The following RFTN1 variants were observed in gnomAD, a reference collection of about 807,000 sequenced individuals.
RFTN1 encodes the protein raftlin.
A neutral mutation model predicts 46.5 loss-of-function variants in RFTN1; 26 were observed. The ratio of observed to expected loss-of-function variants is 0.56; its 90% CI spans 0.41 to 0.78. The LOEUF is 0.78. Ranked by LOEUF, RFTN1 falls within the 30% of genes least tolerant of loss-of-function variation. The pLI is 0.00. For synonymous variants in RFTN1, 261 were observed against 284.2 expected (o/e 0.92, Z 0.82); for missense variants, 693 against 718.7 (o/e 0.96, Z 0.41).
intron 4 of RFTN1, among the ~76,000 whole-genome samples, chr3:16,395,816 T>C (rs1264516261): frequency 6.6e-6 from 1 of 152,244 alleles, no homozygotes; most frequent in African/African-American, 2.4e-5. Flanking sequence ...TGAGATGTGA[T>C]TTAAGTGACA....
chr3:16,318,454 T>C (rs493626), intron 9 of RFTN1, among the ~76,000 whole-genome samples: 88,313 of 152,028 alleles, frequency 0.58, 25,830 homozygotes, highest in African/African-American at 0.66. Flanking sequence ...AAGGCTTTAG[T>C]ATGTTGTAAA....
intron 3 of RFTN1, among the ~76,000 whole-genome samples, chr3:16,417,016 T>C (rs1402870097): frequency 2.0e-5 from 3 of 150,208 alleles, no homozygotes; most frequent in Non-Finnish European, 3.0e-5. Context: ...TTTCTTTTTT[T>C]TTTTTTTTTT....
chr3:16,429,144 A>ATC lies in RFTN1; in HGVS notation c.332+4706_332+4707insGA. 6.7e-6 allele frequency among the ~76,000 whole-genome samples: 1 copy of ATC among 149,456 alleles called. No homozygotes were observed. The highest frequency in any genetic ancestry group is 6.8e-5 in the Admixed American group (1 of 14,770). On this transcript the variant is annotated intron_variant, in intron 3 of 9. Coordinates refer to ENST00000334133, the MANE Select transcript of RFTN1 (RefSeq NM_015150.2). The surrounding 1 kb of genome is among the most constrained non-coding windows in gnomAD (Gnocchi z 6.4). ...AGAATTAAGAACAGTTTACAGTTAG[A>ATC]TGTGTGGCTAGGCCTGCCATGGTAA...
chr3:16,450,088 T>G lies in RFTN1; in HGVS notation c.146-16051A>C, dbSNP rs191770608. 6.6e-6 allele frequency among the ~76,000 whole-genome samples: 1 copy of G among 152,322 alleles called. No individual in the cohort carries two copies. The highest frequency in any genetic ancestry group is 1.9e-4 in the East Asian group (1 of 5,192). On this transcript the variant is annotated intron_variant, in intron 2 of 9. Coordinates refer to ENST00000334133, the MANE Select transcript of RFTN1 (RefSeq NM_015150.2). This position sits in a 1 kb window ranked among gnomAD's most constrained non-coding sequence, Gnocchi z 4.6. ...ATCCTGACCACTCTCCATGCCTGTC[T>G]TAAATCCATCCCAATTTGTAAAATT...
At chr3:16,350,344 A>G (rs2072009771) in intron 7 of RFTN1, 1 of 151,976 alleles carries the variant, frequency 6.6e-6, no homozygotes, top group Non-Finnish European at 1.5e-5. Flanking sequence ...GAACACATGC[A>G]TTTGTTTCTT....
chr3:16,506,928 G>A lies in RFTN1; in HGVS notation c.-9+6514C>T, dbSNP rs567916607. ...GGTACAGGATGGTAAAGGGCATTTG[G>A]AATATTCCATCTGTGGCTCTCAAAT... On this transcript the variant is annotated intron_variant, in intron 1 of 9. Coordinates refer to ENST00000334133, the MANE Select transcript of RFTN1 (RefSeq NM_015150.2). This position sits in a 1 kb window ranked among gnomAD's most constrained non-coding sequence, Gnocchi z 4.8. Among the ~76,000 whole-genome samples the A allele has an allele frequency of 6.6e-6, 1 of 152,298 alleles. No individual in the cohort carries two copies. The highest frequency in any genetic ancestry group is 2.4e-5 in the African/African-American group (1 of 41,560).
chr3:16,358,105 G>A, intron 6 of RFTN1, 58 bp from the exon 7 acceptor site: 6 of 943,868 alleles, frequency 6.4e-6, no homozygotes, highest in Non-Finnish European at 1.0e-5. Context: ...TGTGGCAGAA[G>A]TCTTCTAAGC....
chr3:16,437,507 A>T (rs2075538516), intron 2 of RFTN1, among the ~76,000 whole-genome samples: 1 of 152,078 alleles, frequency 6.6e-6, no homozygotes, highest in Non-Finnish European at 1.5e-5. Context: ...AAAAAATACA[A>T]AAATTAACTG....
Position 16,391,753 on chromosome 3 carries a change from G to A in RFTN1, c.442-13651C>T, listed in dbSNP as rs564026936. Among the ~76,000 whole-genome samples the A allele has an allele frequency of 1.1e-4, 17 of 151,794 alleles. No individual in the cohort carries two copies. The East Asian group carries it at 3.3e-3, about 29-fold the overall frequency. On this transcript the variant is annotated intron_variant, in intron 4 of 9. Coordinates refer to ENST00000334133, the MANE Select transcript of RFTN1 (RefSeq NM_015150.2). Reference sequence around the variant, plus strand: ...CATAAACCTGAACTAATCAAATAAGGCTCTTTGATAATGAAGGGGAAGTCA... The same window carrying A: ...CATAAACCTGAACTAATCAAATAAGACTCTTTGATAATGAAGGGGAAGTCA...
In RFTN1 at chr3:16,359,266, T is replaced by C. The variant is rs148311551; in HGVS notation, c.1031-1219A>G. On this transcript the variant is annotated intron_variant, in intron 6 of 9. Coordinates refer to ENST00000334133, the MANE Select transcript of RFTN1 (RefSeq NM_015150.2). Reference sequence around the variant, plus strand: ...GGGCTAGGTCTCTCATCTATGGGATTATGGACAATCTCTCTTGGTTCCCAG... The same window carrying C: ...GGGCTAGGTCTCTCATCTATGGGATCATGGACAATCTCTCTTGGTTCCCAG... Among the ~76,000 whole-genome samples, 864 of 152,220 alleles carry C rather than the reference T, an allele frequency of 5.7e-3. 9 individuals are homozygous for C. The highest frequency in any genetic ancestry group is 0.019 in the African/African-American group (806 of 41,538).
In RFTN1 at chr3:16,440,621, G is replaced by A. The variant is rs2075602048; in HGVS notation, c.146-6584C>T. ...AAAATAAAGTAAACAAGAGACATGAGCCAGGGGGACAGCAATGAACACCGA... is the reference window on the plus strand; with the variant it reads ...AAAATAAAGTAAACAAGAGACATGAACCAGGGGGACAGCAATGAACACCGA... On this transcript the variant is annotated intron_variant, in intron 2 of 9. Transcript: ENST00000334133. This position sits in a 1 kb window ranked among gnomAD's most constrained non-coding sequence, Gnocchi z 4.6. 2.6e-5 allele frequency among the ~76,000 whole-genome samples: 4 copies of A among 151,894 alleles called. No individual in the cohort carries two copies. The highest frequency in any genetic ancestry group is 2.6e-4 in the Admixed American group (4 of 15,252).
intron 8 of RFTN1, 64 bp from the exon 9 acceptor site, chr3:16,323,521 G>C (rs988862905): frequency 8.6e-7 from 1 of 1,167,088 alleles, no homozygotes; most frequent in Non-Finnish European, 1.3e-6. Context: ...ACCTGACACA[G>C]ATGTTGCCAT....
rs2076582183 is a variant in RFTN1 at position 16,493,852 on chromosome 3, G to A, written c.18C>T (p.Asn6=). Residue 6 remains asparagine (N), a synonymous_variant, in exon 2 of 10, where the codon AAC becomes AAT. Coordinates refer to ENST00000334133, the MANE Select transcript of RFTN1 (RefSeq NM_015150.2). ...GTTTTTCATCACGTTTCTCTAACTT[G>A]TTCAATCCGCAACCCATTTCAGCAG... The part of the protein sequence containing the change: MGCGL[N]KLEKRDEKRP... 10 of 1,614,096 alleles carry A rather than the reference G, an allele frequency of 6.2e-6. No individual in the cohort carries two copies. The highest frequency in any genetic ancestry group is 8.5e-6 in the Non-Finnish European group (10 of 1,180,020).
chr3:16,337,720 G>A lies in RFTN1; in HGVS notation c.1147-10844C>T, dbSNP rs2001468. 0.017 allele frequency among the ~76,000 whole-genome samples: 2,432 copies of A among 140,808 alleles called. 74 individuals carry two copies. Among genetic ancestry groups the A allele is most frequent in the East Asian group, 0.12 (561 of 4,760 alleles). The allele number at this position is 140,808 out of a possible 152,430, so 92.4% of individuals were successfully genotyped here. A position where few individuals can be genotyped will look rare whatever the true frequency, so the allele number is the denominator to read the frequency against. The stretch of plus-strand genomic sequence containing the variant: ...TTGCGCCACTGCACTCCAGCCTGGC[G>A]ACAGAGCGAGACTCCATCTCAAAAA... On this transcript the variant is annotated intron_variant, in intron 7 of 9. Coordinates refer to ENST00000334133, the MANE Select transcript of RFTN1 (RefSeq NM_015150.2). This position sits in a 1 kb window ranked among gnomAD's most constrained non-coding sequence, Gnocchi z 5.0.
chr3:16,487,161 T>C (rs1350983799), intron 2 of RFTN1, among the ~76,000 whole-genome samples: 1 of 152,244 alleles, frequency 6.6e-6, no homozygotes, highest in Non-Finnish European at 1.5e-5. Context: ...TCTGTGGTAT[T>C]TTATTATGGC....
rs1002967891 is a variant in RFTN1, at chr3:16,337,338, G to A, written c.1147-10462C>T. ...TTATGATTTTAACTCACTAAGCTTT[G>A]GGGAGCTTTATTACACAGCAGAAGC... On this transcript the variant is annotated intron_variant, in intron 7 of 9. Transcript: ENST00000334133. This position sits in a 1 kb window ranked among gnomAD's most constrained non-coding sequence, Gnocchi z 5.0. 1 of 152,186 alleles carries A rather than the reference G, an allele frequency of 6.6e-6. No individual in the cohort carries two copies. Among genetic ancestry groups the A allele is most frequent in the Non-Finnish European group, 1.5e-5 (1 of 68,034 alleles). The allele number at this position is 152,186 out of a possible 1,614,324, so 9.4% of individuals were successfully genotyped here.
At chr3:16,502,157 A>C (rs1270343944) in intron 1 of RFTN1, among the ~76,000 whole-genome samples, 1 of 152,170 alleles carries the variant, frequency 6.6e-6, no homozygotes, top group East Asian at 1.9e-4. Context: ...ACTTGAGCCC[A>C]GGAGTTCAAG....
chr3:16,391,596 G>A (rs1282665853), intron 4 of RFTN1, among the ~76,000 whole-genome samples: 1 of 152,092 alleles, frequency 6.6e-6, no homozygotes, highest in Non-Finnish European at 1.5e-5. Flanking sequence ...AGTTAAGTGG[G>A]AGGACAAAAA....
rs56360436 is a variant in RFTN1, at chr3:16,449,643, G to A, written c.146-15606C>T. 0.045 allele frequency among the ~76,000 whole-genome samples: 6,921 copies of A among 152,158 alleles called. 216 individuals are homozygous for A. Among genetic ancestry groups the A allele is most frequent in the Middle Eastern group, 0.068 (20 of 294 alleles). The stretch of plus-strand genomic sequence containing the variant: ...GTCCACGAGTTGATCCTTAAGTCTC[G>A]GAACCACTCCAGCTCTGCATCAATA... On this transcript the variant is annotated intron_variant, in intron 2 of 9. Transcript: ENST00000334133. This position sits in a 1 kb window ranked among gnomAD's most constrained non-coding sequence, Gnocchi z 5.1.
Sources: gnomAD v4.1 joint callset for allele counts (sites outside exome capture counted in the v4.1 genomes callset) on GRCh38, gnomAD v4.1.1 for gene constraint, Gnocchi (gnomAD v3.1) non-coding constraint, MANE v1.5 for transcripts, NCBI Gene and HGNC (gene_info 2026-07-23, HGNC 2026-07-21) for gene names.